TMEM132D: variants seen among roughly 807,000 people sequenced by gnomAD.
The protein encoded by TMEM132D is transmembrane protein 132D, also known as mature OL transmembrane protein.
Under a neutral mutation model 62.3 loss-of-function variants are expected in TMEM132D, and 21 were observed. The observed-to-expected ratio is 0.34, with a 90% CI of 0.24 to 0.49. The LOEUF (loss-of-function observed/expected upper bound fraction) is 0.49. TMEM132D is among the 20% of genes least tolerant of loss of function. The probability of loss-of-function intolerance (pLI) is 0.99; values close to 1 mark genes in which losing one functional copy is unlikely to be tolerated. For synonymous variants in TMEM132D, 621 were observed against 575.6 expected (o/e 1.08, Z -1.13); for missense variants, 1,346 against 1,402.8 (o/e 0.96, Z 0.65).
chr12:129,700,210 C>G lies in TMEM132D; in HGVS notation c.568G>C (p.Gly190Arg), dbSNP rs1881350808. 2 of 1,612,850 alleles carry G rather than the reference C, an allele frequency of 1.2e-6. No homozygotes were observed. The highest frequency in any genetic ancestry group is 1.7e-6 in the Non-Finnish European group (2 of 1,179,926). The change falls in exon 2 of 9, where the codon GGG (glycine) becomes CGG (arginine). Residue 190 changes from glycine (G) to arginine (R), a missense_variant. Gly to Arg is a moderately radical substitution (Grantham distance 125). Transcript: ENST00000422113. ...RGSCRLQGDL[G>R]LCVAELELLS... The stretch of plus-strand genomic sequence containing the variant: ...AGCTCCAGCTCGGCCACGCACAGCC[C>G]CAGGTCCCCCTGCAGCCGGCAGCTG...
intron 5 of TMEM132D, among the ~76,000 whole-genome samples, chr12:129,156,061 A>ATAACTGACCCACTTCTGACT (rs1877235214): frequency 1.3e-5 from 2 of 152,034 alleles, no homozygotes; most frequent in East Asian, 3.9e-4. Flanking sequence ...CACTTCTGAC[A>ATAACTGACCCACTTCTGACT]TAACTAACCC....
At chr12:129,347,625 A>G (rs1457207375) in intron 3 of TMEM132D, among the ~76,000 whole-genome samples, 1 of 152,230 alleles carries the variant, frequency 6.6e-6, no homozygotes, top group African/African-American at 2.4e-5. Flanking sequence ...AAACGTAGGC[A>G]ATACCATTCA....
chr12:129,374,575 G>A (rs1164502263), intron 3 of TMEM132D, among the ~76,000 whole-genome samples: 1 of 152,204 alleles, frequency 6.6e-6, no homozygotes, highest in South Asian at 2.1e-4. Context: ...GTGGAGGAAA[G>A]AACCACGGCA....
chr12:129,625,208 T>C (rs947994699), intron 2 of TMEM132D, among the ~76,000 whole-genome samples: 1 of 152,232 alleles, frequency 6.6e-6, no homozygotes, highest in Admixed American at 6.5e-5. Context: ...ATTGATACTT[T>C]TTCATTCATT....
chr12:129,890,600 T>G (rs1198567889), intron 1 of TMEM132D, among the ~76,000 whole-genome samples: 1 of 152,198 alleles, frequency 6.6e-6, no homozygotes, highest in Non-Finnish European at 1.5e-5. Context: ...GAAAAGAGAT[T>G]TCTAAAGAGT....
intron 5 of TMEM132D, among the ~76,000 whole-genome samples, chr12:129,204,311 A>T (rs1878786276): frequency 6.6e-6 from 1 of 152,232 alleles, no homozygotes; most frequent in African/African-American, 2.4e-5. Context: ...GGAACAAAGT[A>T]GCCATTATAA....
chr12:129,089,506 T>TATGACCGGGTGTCCTCC (rs1271692219), intron 5 of TMEM132D, among the ~76,000 whole-genome samples: 2 of 35,422 alleles, frequency 5.6e-5, no homozygotes, highest in Non-Finnish European at 9.5e-5. Flanking sequence ...GGGTGTCCTC[T>TATGACCGGGTGTCCTCC]ATGACCGGGT....
chr12:129,556,268 A>C (rs573232874), intron 2 of TMEM132D, among the ~76,000 whole-genome samples: 73 of 152,256 alleles, frequency 4.8e-4, no homozygotes, highest in African/African-American at 1.7e-3. Context: ...TCTGTGCACC[A>C]ACATTAGAAA....
intron 3 of TMEM132D, among the ~76,000 whole-genome samples, chr12:129,529,901 A>G (rs1876165773): frequency 6.6e-6 from 1 of 152,252 alleles, no homozygotes; most frequent in Non-Finnish European, 1.5e-5. Context: ...TTGTGTATCT[A>G]TAAGTTCACC....
chr12:129,487,615 G>C (rs1363493595), intron 3 of TMEM132D, among the ~76,000 whole-genome samples: 2 of 152,014 alleles, frequency 1.3e-5, no homozygotes, highest in African/African-American at 4.8e-5. Context: ...GTGATCTTAA[G>C]AGGTGGGGCC....
chr12:129,805,444 G>A (rs2137311018), intron 1 of TMEM132D, among the ~76,000 whole-genome samples: 1 of 152,212 alleles, frequency 6.6e-6, no homozygotes, highest in East Asian at 1.9e-4. Context: ...AATGGGGAAA[G>A]GATTCCCTAT....
At chr12:129,880,409 T>C (rs1047894634) in intron 1 of TMEM132D, among the ~76,000 whole-genome samples, 5 of 152,170 alleles carry the variant, frequency 3.3e-5, no homozygotes. Context: ...GAAATGAATA[T>C]CTGCACAAAG....
At chr12:129,481,489 C>CT (rs1418972340) in intron 3 of TMEM132D, among the ~76,000 whole-genome samples, 1 of 147,928 alleles carries the variant, frequency 6.8e-6, no homozygotes. Flanking sequence ...ACCCACAAAA[C>CT]TGTAAGACAA....
In TMEM132D at chr12:129,670,137, A is replaced by G. The variant is rs567071820; in HGVS notation, c.968+29673T>C. ...TGACTGAGGCAGTGAAAGAGATCTA[A>G]CTTAACCGACTCCACCTTGCTTCTA... On this transcript the variant is annotated intron_variant, in intron 2 of 8. Coordinates refer to ENST00000422113, the MANE Select transcript of TMEM132D (RefSeq NM_133448.3). Among the ~76,000 whole-genome samples, 16 of 152,254 alleles carry G rather than the reference A, an allele frequency of 1.1e-4. No individual in the cohort carries two copies. The East Asian group carries it at 2.9e-3, about 28-fold the overall frequency.
At chr12:129,490,732 C>A (rs573478721) in intron 3 of TMEM132D, among the ~76,000 whole-genome samples, 1 of 150,056 alleles carries the variant, frequency 6.7e-6, no homozygotes, top group South Asian at 2.1e-4. Context: ...GGATTACAGG[C>A]GTGAGCCACG....
intron 1 of TMEM132D, among the ~76,000 whole-genome samples, chr12:129,745,915 G>A (rs796657316): frequency 6.6e-6 from 1 of 152,152 alleles, no homozygotes; most frequent in South Asian, 2.1e-4. Context: ...TGCAAACAGA[G>A]CCACCCCAGC....
At chr12:129,154,229 G>A (rs1412891368) in intron 5 of TMEM132D, among the ~76,000 whole-genome samples, 1 of 152,162 alleles carries the variant, frequency 6.6e-6, no homozygotes, top group African/African-American at 2.4e-5. Flanking sequence ...CAGCTCAGAG[G>A]GAGGTGAGGA....
chr12:129,737,663 A>G (rs1262580361), intron 1 of TMEM132D, among the ~76,000 whole-genome samples: 5 of 152,228 alleles, frequency 3.3e-5, no homozygotes. Context: ...TGTACAGACC[A>G]TCTCTGGCCC....
chr12:129,088,077 C>T (rs1405138773), intron 5 of TMEM132D, among the ~76,000 whole-genome samples: 7 of 49,074 alleles, frequency 1.4e-4, no homozygotes, highest in Admixed American at 4.7e-4. Context: ...GGGTGTCCTC[C>T]CTGACCGGGT....
Sources: allele counts gnomAD v4.1 joint callset (sites outside exome capture counted in the v4.1 genomes callset), GRCh38; gene constraint gnomAD v4.1.1; transcripts MANE v1.5; gene names NCBI Gene and HGNC (gene_info 2026-07-23, HGNC 2026-07-21).